FSTL4: variants seen among roughly 807,000 people sequenced by gnomAD.
The protein encoded by FSTL4 is follistatin like 4.
In FSTL4, 28 loss-of-function variants were observed where a neutral mutation model predicts 78.2. The observed-to-expected ratio is 0.36, with a 90% CI of 0.27 to 0.49. FSTL4 has a LOEUF of 0.49. Among genes scored for constraint, FSTL4 ranks in the 20% least tolerant of loss-of-function variants. The pLI, the probability that FSTL4 is intolerant of heterozygous loss-of-function variation, is 0.98. For missense variants in FSTL4, 922 were observed against 1,084.9 expected, an observed-to-expected ratio of 0.85 and a Z score of 2.11; for synonymous variants, 422 against 440.5, an observed-to-expected ratio of 0.96 and a Z score of 0.53.
At chr5:133,569,666 A>G (rs1172488738) in intron 2 of FSTL4, among the ~76,000 whole-genome samples, 1 of 152,194 alleles carries the variant, frequency 6.6e-6, no homozygotes, top group Non-Finnish European at 1.5e-5. Context: ...TTTCTCTGGC[A>G]TTTAAGGAGA....
At chr5:133,572,342 T>C (rs1760176720) in intron 2 of FSTL4, among the ~76,000 whole-genome samples, 1 of 152,142 alleles carries the variant, frequency 6.6e-6, no homozygotes, top group Non-Finnish European at 1.5e-5. Context: ...CTGCATGTCT[T>C]GGGGATTTGG....
At chr5:133,659,245 T>C in the FSTL4 span, among the ~76,000 whole-genome samples, 3 of 152,142 alleles carry the variant, frequency 2.0e-5, no homozygotes, top group Non-Finnish European at 4.4e-5. Context: ...CCCAGCTCTG[T>C]CAGTTGTTGC....
rs79683624 is a variant in FSTL4 at position 133,276,443 on chromosome 5, T to C, written c.728-26867A>G. Among the ~76,000 whole-genome samples the C allele has an allele frequency of 7.7e-4, 117 of 152,310 alleles. 1 individual carries two copies. Among genetic ancestry groups the C allele is most frequent in the African/African-American group, 2.7e-3 (112 of 41,578 alleles). ...CCTTTGTCTTGGCCCAGGGAGCCCTTAGCCTTATGGCAAATTCTTGAAAAG... is the reference window on the plus strand; with the variant it reads ...CCTTTGTCTTGGCCCAGGGAGCCCTCAGCCTTATGGCAAATTCTTGAAAAG... On this transcript the variant is annotated intron_variant, in intron 6 of 15. Transcript: ENST00000265342.
chr5:133,312,350 A>G (rs1221181675), intron 6 of FSTL4: 5 of 314,318 alleles, frequency 1.6e-5, no homozygotes, highest in Non-Finnish European at 2.9e-5. Context: ...TCCTTCAGTC[A>G]TAGAACCCCC....
the FSTL4 span, among the ~76,000 whole-genome samples, chr5:133,824,708 T>A: frequency 6.6e-6 from 1 of 152,190 alleles, no homozygotes; most frequent in Non-Finnish European, 1.5e-5. Flanking sequence ...AAGACCCCTG[T>A]TGCCAAAGCA....
intron 2 of FSTL4, among the ~76,000 whole-genome samples, chr5:133,568,281 A>G (rs1760073200): frequency 1.3e-5 from 2 of 152,258 alleles, no homozygotes; most frequent in Non-Finnish European, 2.9e-5. Flanking sequence ...AAATAAGCTG[A>G]AAGTCCATAC....
the FSTL4 span, among the ~76,000 whole-genome samples, chr5:133,768,474 A>T: frequency 0.89 from 134,938 of 151,870 alleles, 60,163 homozygotes; most frequent in African/African-American, 0.97. Context: ...AAGTAGCCAC[A>T]ATGAACACTC....
chr5:133,667,294 C>T, the FSTL4 span, among the ~76,000 whole-genome samples: 5 of 152,174 alleles, frequency 3.3e-5, no homozygotes, highest in African/African-American at 1.2e-4. Flanking sequence ...ACCATTATTA[C>T]CCTGGTACAA....
At chr5:133,413,797 C>T (rs752246545) in intron 3 of FSTL4, among the ~76,000 whole-genome samples, 12 of 152,072 alleles carry the variant, frequency 7.9e-5, no homozygotes, top group Non-Finnish European at 1.6e-4. Flanking sequence ...ATTAACTCTT[C>T]AGCTATTTCT....
At chr5:133,307,338 A>G (rs1753678849) in intron 6 of FSTL4, among the ~76,000 whole-genome samples, 1 of 152,238 alleles carries the variant, frequency 6.6e-6, no homozygotes, top group Non-Finnish European at 1.5e-5. Context: ...CTGTGAGGAC[A>G]GTGAGATTCT....
chr5:133,313,576 G>A (rs4958116), intron 5 of FSTL4, among the ~76,000 whole-genome samples: 6,464 of 152,106 alleles, frequency 0.042, 273 homozygotes, highest in East Asian at 0.21. Flanking sequence ...GTCTTGCAGG[G>A]AAAATGCTCA....
intron 3 of FSTL4, among the ~76,000 whole-genome samples, chr5:133,542,996 G>A (rs955394194): frequency 1.3e-5 from 2 of 150,404 alleles, no homozygotes; most frequent in East Asian, 1.9e-4. Flanking sequence ...CTTTATTTGG[G>A]TTTACTCTGC....
chr5:133,782,639 G>A, the FSTL4 span, among the ~76,000 whole-genome samples: 5 of 152,226 alleles, frequency 3.3e-5, no homozygotes, highest in African/African-American at 1.2e-4. Context: ...GATGGAAGCT[G>A]GGAGAGCCAG....
intron 6 of FSTL4, among the ~76,000 whole-genome samples, chr5:133,290,077 A>G (rs970019884): frequency 3.3e-5 from 5 of 152,104 alleles, no homozygotes; most frequent in African/African-American, 1.2e-4. Flanking sequence ...CCTCAGAACA[A>G]ACCTTCGGCA....
the FSTL4 span, among the ~76,000 whole-genome samples, chr5:133,658,940 A>C: frequency 1.3e-5 from 2 of 152,128 alleles, no homozygotes; most frequent in Non-Finnish European, 2.9e-5. Context: ...GGGTTTTAAC[A>C]TTTAATTTAA....
chr5:133,433,675 C>T lies in FSTL4; in HGVS notation c.161-32689G>A, dbSNP rs1756983980. Among the ~76,000 whole-genome samples the T allele has an allele frequency of 2.6e-5, 4 of 152,094 alleles. No individual in the cohort carries two copies. In the South Asian group the frequency reaches 8.3e-4, roughly 32 times the overall value. Reference sequence around the variant, plus strand: ...GTCGTGAGTGCAGACAATTAAAATACATTGATTCGATAGGTAAAGTCAGGG... The same window carrying T: ...GTCGTGAGTGCAGACAATTAAAATATATTGATTCGATAGGTAAAGTCAGGG... On this transcript the variant is annotated intron_variant, in intron 3 of 15. Coordinates refer to ENST00000265342, the MANE Select transcript of FSTL4 (RefSeq NM_015082.2).
intron 2 of FSTL4, among the ~76,000 whole-genome samples, chr5:133,580,920 C>G (rs1267369081): frequency 2.6e-5 from 4 of 152,174 alleles, no homozygotes; most frequent in Non-Finnish European, 4.4e-5. Context: ...TCAATCTGCA[C>G]AGCCCCCAGA....
intron 3 of FSTL4, among the ~76,000 whole-genome samples, chr5:133,539,110 A>C (rs1759415675): frequency 6.6e-6 from 1 of 152,216 alleles, no homozygotes; most frequent in Non-Finnish European, 1.5e-5. Context: ...ATAGAATCAC[A>C]TCTGCCACAG....
In FSTL4 at chr5:133,567,931, C is replaced by G. The variant is rs76798802; in HGVS notation, c.127-712G>C. Among the ~76,000 whole-genome samples, 430 of 152,296 alleles carry G rather than the reference C, an allele frequency of 2.8e-3. 1 individual carries two copies. Among genetic ancestry groups the G allele is most frequent in the African/African-American group, 1.0e-2 (414 of 41,554 alleles). On this transcript the variant is annotated intron_variant, in intron 2 of 15. Transcript: ENST00000265342. ...GGGGCCACAGAACAAACACAAATTA[C>G]TGAGAAATGAAAGGGTGATTTGTCT...
Sources: allele counts gnomAD v4.1 joint callset (sites outside exome capture counted in the v4.1 genomes callset), GRCh38; gene constraint gnomAD v4.1.1; transcripts MANE v1.5; gene names NCBI Gene and HGNC (gene_info 2026-07-23, HGNC 2026-07-21).